The following EHBP1 variants were observed in gnomAD, a reference collection of about 807,000 sequenced individuals.
EHBP1 encodes the protein EH domain binding protein 1.
EHBP1 carries 55 observed loss-of-function variants against 144.0 expected under a neutral mutation model. That is an observed-to-expected ratio of 0.38 (90% CI 0.31 to 0.48). The LOEUF (loss-of-function observed/expected upper bound fraction) is 0.48. EHBP1 is among the 20% of genes least tolerant of loss of function. The probability of loss-of-function intolerance (pLI) is 0.98; values close to 1 mark genes in which losing one functional copy is unlikely to be tolerated. For missense variants in EHBP1, 1,200 were observed against 1,364.2 expected (o/e 0.88, Z 1.90); for synonymous variants, 469 against 472.7 (o/e 0.99, Z 0.10).
Position 62,874,508 on chromosome 2 carries a change from A to G in EHBP1, c.1161A>G (p.Gly387=), listed in dbSNP as rs769033446. Residue 387 remains glycine, a synonymous_variant, in exon 10 of 23, where the codon GGA becomes GGG. Transcript: ENST00000431489. Reference sequence around the variant, plus strand: ...TAAATGAAAACACAGTTTCTGCAGGAAAAGATCTCTCTACTTCTCCTAAGG... The same window carrying G: ...TAAATGAAAACACAGTTTCTGCAGGGAAAGATCTCTCTACTTCTCCTAAGG... The part of the protein sequence containing the change: ...GVLNENTVSA[G]KDLSTSPKPS... 5.0e-6 allele frequency: 8 copies of G among 1,605,356 alleles called. No individual in the cohort carries two copies. The East Asian group carries it at 1.8e-4, about 36-fold the overall frequency.
chr2:62,800,105 T>C (rs2043867276), intron 5 of EHBP1, among the ~76,000 whole-genome samples: 1 of 152,252 alleles, frequency 6.6e-6, no homozygotes, highest in South Asian at 2.1e-4. Context: ...ATTGGGTCTT[T>C]CGTCTCCACC....
At chr2:62,955,707 A>G in intron 14 of EHBP1, 47 bp downstream of exon 14, 2 of 1,568,010 alleles carry the variant, frequency 1.3e-6, no homozygotes, top group Non-Finnish European at 1.7e-6. Context: ...CATTGTAATC[A>G]TGGGGAGGAG....
At chr2:62,809,303 A>AC (rs2044770138) in intron 5 of EHBP1, among the ~76,000 whole-genome samples, 1 of 147,982 alleles carries the variant, frequency 6.8e-6, no homozygotes, top group African/African-American at 2.5e-5. Flanking sequence ...AAAAAAAAAA[A>AC]AAAAAAAAAA....
intron 7 of EHBP1, among the ~76,000 whole-genome samples, chr2:62,839,277 G>C (rs1225236012): frequency 6.6e-6 from 1 of 151,758 alleles, no homozygotes; most frequent in Admixed American, 6.6e-5. Flanking sequence ...AAAAGCCTTT[G>C]ACAAAATTCA....
chr2:62,961,725 A>G (rs930196127), intron 14 of EHBP1, among the ~76,000 whole-genome samples: 7 of 152,118 alleles, frequency 4.6e-5, no homozygotes, highest in Non-Finnish European at 7.4e-5. Context: ...CCATTTCCCC[A>G]TACACTTTTC....
At chr2:62,841,144 G>T (rs1319494586) in intron 7 of EHBP1, among the ~76,000 whole-genome samples, 1 of 152,082 alleles carries the variant, frequency 6.6e-6, no homozygotes, top group African/African-American at 2.4e-5. Flanking sequence ...TATACACCAT[G>T]GAATATTATG....
chr2:63,018,643 T>C (rs1197352653), intron 19 of EHBP1, among the ~76,000 whole-genome samples: 2 of 152,252 alleles, frequency 1.3e-5, no homozygotes, highest in Non-Finnish European at 2.9e-5. Context: ...TGCTGACTCA[T>C]GTTTATTCAT....
intron 3 of EHBP1, among the ~76,000 whole-genome samples, chr2:62,756,442 T>C (rs1351269659): frequency 6.6e-6 from 1 of 152,170 alleles, no homozygotes; most frequent in Non-Finnish European, 1.5e-5. Flanking sequence ...TGTGAAAAGT[T>C]AGTATGATGC....
At chr2:62,778,278 G>A (rs956181119) in intron 5 of EHBP1, among the ~76,000 whole-genome samples, 4 of 152,032 alleles carry the variant, frequency 2.6e-5, no homozygotes, top group African/African-American at 7.3e-5. Flanking sequence ...GGTAGCACAC[G>A]CCTGAATCTT....
chr2:62,818,302 T>C (rs2045597953), intron 5 of EHBP1, among the ~76,000 whole-genome samples: 2 of 151,678 alleles, frequency 1.3e-5, no homozygotes, highest in Non-Finnish European at 2.9e-5. Context: ...AGACATACCA[T>C]TTAAAAAGTT....
chr2:63,031,755 C>T (rs1230622834), intron 19 of EHBP1, among the ~76,000 whole-genome samples: 1 of 152,086 alleles, frequency 6.6e-6, no homozygotes, highest in African/African-American at 2.4e-5. Flanking sequence ...ATGGCGAAAC[C>T]CCACGTCTAC....
chr2:62,878,613 C>T (rs557457007), intron 10 of EHBP1, among the ~76,000 whole-genome samples: 1 of 152,052 alleles, frequency 6.6e-6, no homozygotes, highest in Non-Finnish European at 1.5e-5. Context: ...AAATGCTAAC[C>T]CACCATGATC....
chr2:62,936,671 G>T (rs944465537), intron 10 of EHBP1, among the ~76,000 whole-genome samples: 76 of 151,452 alleles, frequency 5.0e-4, no homozygotes, highest in African/African-American at 1.7e-3. Context: ...TTGATGTTTT[G>T]TAGAAGATTA....
intron 18 of EHBP1, 99 bp from the exon 19 acceptor site, chr2:62,996,544 T>C (rs2059633905): frequency 6.8e-7 from 1 of 1,478,236 alleles, no homozygotes; most frequent in African/African-American, 1.4e-5. Context: ...TAACGGTGTA[T>C]TTGGTTCTCT....
intron 10 of EHBP1, among the ~76,000 whole-genome samples, chr2:62,878,655 G>A (rs1333759614): frequency 6.6e-6 from 1 of 152,114 alleles, no homozygotes; most frequent in Non-Finnish European, 1.5e-5. Flanking sequence ...TGTAAGGTTG[G>A]TTCAAAATAT....
intron 10 of EHBP1, among the ~76,000 whole-genome samples, chr2:62,915,821 G>A (rs1558907284): frequency 6.6e-6 from 1 of 152,068 alleles, no homozygotes; most frequent in Non-Finnish European, 1.5e-5. Context: ...GTAGATAACT[G>A]AAGCAAAACA....
At chr2:62,794,714 TATC>T (rs1201165355) in intron 5 of EHBP1, among the ~76,000 whole-genome samples, 3 of 152,050 alleles carry the variant, frequency 2.0e-5, no homozygotes, top group African/African-American at 7.2e-5. Flanking sequence ...TTAAACTTTT[TATC>T]ATCTTACTGA....
intron 2 of EHBP1, among the ~76,000 whole-genome samples, chr2:62,725,871 T>C (rs1323081082): frequency 1.3e-5 from 2 of 152,106 alleles, no homozygotes; most frequent in Non-Finnish European, 2.9e-5. Context: ...GGTGCGTGGC[T>C]ATGAGAGCTG....
At chr2:62,688,639 C>T (rs1261294499) in intron 1 of EHBP1, among the ~76,000 whole-genome samples, 1 of 152,130 alleles carries the variant, frequency 6.6e-6, no homozygotes, top group African/African-American at 2.4e-5. Context: ...TCTTATGCTT[C>T]CCAGCCTCTA....
Sources: gnomAD v4.1 joint callset for allele counts (sites outside exome capture counted in the v4.1 genomes callset) on GRCh38, gnomAD v4.1.1 for gene constraint, MANE v1.5 for transcripts, NCBI Gene and HGNC (gene_info 2026-07-23, HGNC 2026-07-21) for gene names.